STAU1: variants seen among roughly 807,000 people sequenced by gnomAD.
STAU1 encodes the protein staufen double-stranded RNA binding protein 1.
Under a neutral mutation model 62.9 loss-of-function variants are expected in STAU1, and 13 were observed. The ratio of observed to expected loss-of-function variants is 0.21; its 90% CI spans 0.13 to 0.33. STAU1 has a LOEUF of 0.33. Ranked by LOEUF, STAU1 falls within the 10% of genes least tolerant of loss-of-function variation. The pLI is 1.00. For synonymous variants in STAU1, 269 were observed against 265.1 expected, an observed-to-expected ratio of 1.01 and a Z score of -0.14; for missense variants, 571 against 712.1, an observed-to-expected ratio of 0.80 and a Z score of 2.25.
At chr20:49,195,873 G>C in the STAU1 span, among the ~76,000 whole-genome samples, 1 of 124,540 alleles carries the variant, frequency 8.0e-6, no homozygotes, top group African/African-American at 2.9e-5. Context: ...ACTCCAGCCT[G>C]GGCAACAAGA....
chr20:49,218,869 C>T, the STAU1 span, among the ~76,000 whole-genome samples: 4 of 151,780 alleles, frequency 2.6e-5, no homozygotes, highest in Admixed American at 1.3e-4. Context: ...TGGTGAAACT[C>T]CGCCGGGCGT....
intron 5 of STAU1, among the ~76,000 whole-genome samples, chr20:49,144,727 T>C (rs1242510972): frequency 2.0e-5 from 3 of 152,108 alleles, no homozygotes; most frequent in Admixed American, 6.6e-5. Context: ...TGGAAGACAA[T>C]GCAATAGCCT....
chr20:49,122,835 T>C (rs1216698634), intron 8 of STAU1, among the ~76,000 whole-genome samples: 1 of 152,108 alleles, frequency 6.6e-6, no homozygotes, highest in African/African-American at 2.4e-5. Context: ...GAGAATCGCT[T>C]CAATCAGGGA....
At position 49,118,069 on chromosome 20, in the gene STAU1, G is replaced by A. The variant is rs774356879; in HGVS notation, c.1217C>T (p.Pro406Leu). Residue 406 changes from proline to leucine, a missense_variant, in exon 11 of 14, where the codon CCT (proline) becomes CTT (leucine). By Grantham distance (98) the Pro-to-Leu change is moderately conservative (BLOSUM62 -3). Coordinates refer to ENST00000371856, the MANE Select transcript of STAU1 (RefSeq NM_017453.4). Reference protein sequence around the residue: ...TSNKEDEFRMPYLSHQQLPAG... With the variant: ...TSNKEDEFRMLYLSHQQLPAG... ...AGGCAGCTGCTGATGACTTAGATAA[G>A]GCATCCTGAACTCATCCTCTTTATT... 2 of 1,614,088 alleles carry A rather than the reference G, an allele frequency of 1.2e-6. No homozygotes were observed. Among genetic ancestry groups the A allele is most frequent in the East Asian group, 2.2e-5 (1 of 44,884 alleles).
chr20:49,122,841 AG>A (rs369970093), intron 8 of STAU1, among the ~76,000 whole-genome samples: 1 of 152,240 alleles, frequency 6.6e-6, no homozygotes, highest in African/African-American at 2.4e-5. Flanking sequence ...CGCTTCAATC[AG>A]GGAGTCGGAG....
At chr20:49,198,480 C>G in the STAU1 span, among the ~76,000 whole-genome samples, 1 of 152,028 alleles carries the variant, frequency 6.6e-6, no homozygotes, top group African/African-American at 2.4e-5. Flanking sequence ...GCACTCCAGC[C>G]TGGGCAACAC....
chr20:49,191,162 A>T (rs1345035884), upstream of STAU1, among the ~76,000 whole-genome samples: 21 of 151,744 alleles, frequency 1.4e-4, no homozygotes, highest in Admixed American at 1.4e-3. Context: ...CGAGTAGCTG[A>T]GACTACAGGC....
intron 1 of STAU1, among the ~76,000 whole-genome samples, chr20:49,178,813 C>T (rs1178904567): frequency 6.6e-6 from 1 of 150,956 alleles, no homozygotes; most frequent in Admixed American, 6.6e-5. Context: ...GTGGCTCACG[C>T]CTGTAATCCC....
chr20:49,121,673 T>C (rs542400766), intron 8 of STAU1, among the ~76,000 whole-genome samples: 20 of 152,234 alleles, frequency 1.3e-4, no homozygotes, highest in Non-Finnish European at 2.5e-4. Flanking sequence ...AACACACATA[T>C]ATGTCAGTAT....
intron 5 of STAU1, among the ~76,000 whole-genome samples, chr20:49,144,378 G>A (rs1333984199): frequency 1.3e-5 from 2 of 151,956 alleles, no homozygotes; most frequent in African/African-American, 2.4e-5. Flanking sequence ...GACTAGATGA[G>A]AATATACCAC....
chr20:49,191,088 C>T (rs2093830656), upstream of STAU1, among the ~76,000 whole-genome samples: 1 of 151,228 alleles, frequency 6.6e-6, no homozygotes. Flanking sequence ...AGTGCAGTGG[C>T]GCGATCTCGG....
At chr20:49,132,031 C>CTT (rs374636346) in intron 6 of STAU1, among the ~76,000 whole-genome samples, 1 of 145,342 alleles carries the variant, frequency 6.9e-6, no homozygotes, top group African/African-American at 2.5e-5. Context: ...TGGATGCACT[C>CTT]TTTTTTTTTT....
intron 5 of STAU1, among the ~76,000 whole-genome samples, chr20:49,145,207 C>T (rs947475440): frequency 2.6e-5 from 4 of 151,602 alleles, no homozygotes; most frequent in Admixed American, 6.6e-5. Flanking sequence ...GGGTGGATCA[C>T]GAGGTCAGGA....
At chr20:49,216,330 A>C in the STAU1 span, among the ~76,000 whole-genome samples, 1 of 152,104 alleles carries the variant, frequency 6.6e-6, no homozygotes, top group Non-Finnish European at 1.5e-5. Context: ...GCTCGAGACC[A>C]ACCTGGCTAA....
chr20:49,164,544 C>T (rs187442030), intron 3 of STAU1, among the ~76,000 whole-genome samples: 1 of 152,088 alleles, frequency 6.6e-6, no homozygotes, highest in African/African-American at 2.4e-5. Context: ...CCCCACTCGG[C>T]CTCCCAAAGT....
chr20:49,154,604 G>A (rs348270), intron 3 of STAU1, among the ~76,000 whole-genome samples: 3,633 of 152,220 alleles, frequency 0.024, 155 homozygotes, highest in African/African-American at 0.082. Flanking sequence ...GGTGGCTCAC[G>A]CCTGTAATCC....
intron 5 of STAU1, among the ~76,000 whole-genome samples, chr20:49,137,070 T>G (rs532619036): frequency 6.6e-6 from 1 of 152,282 alleles, no homozygotes; most frequent in South Asian, 2.1e-4. Flanking sequence ...AAGGTGACAG[T>G]TGAGGATCAG....
Position 49,153,927 on chromosome 20 carries a change from A to C in STAU1, c.344+6T>G, listed in dbSNP as rs762164029. On this transcript the variant is annotated splice_donor_region_variant and intron_variant, in intron 4 of 13. Coordinates refer to ENST00000371856, the MANE Select transcript of STAU1 (RefSeq NM_017453.4). ...TTTACAAAAAAAAAAAAAAAAAAAC[A>C]CATACCTCGGGGGATAAGCACCTCC... The C allele has an allele frequency of 6.9e-5, 107 of 1,552,714 alleles. No individual in the cohort carries two copies. The highest frequency in any genetic ancestry group is 8.7e-5 in the Non-Finnish European group (101 of 1,160,186).
rs143218392 is a variant in STAU1, at chr20:49,117,827, T to C, written c.1459A>G (p.Thr487Ala). The change falls in exon 11 of 14, where the codon ACG becomes GCG. Residue 487 changes from threonine to alanine, a missense_variant. Thr to Ala is a moderately conservative substitution (Grantham distance 58, BLOSUM62 0). Around this residue, in one of 3 missense-constraint regions of STAU1, gnomAD observed 156 missense variants for 194.7 expected, o/e 0.80. Transcript: ENST00000371856. This position sits in a 1 kb window ranked among gnomAD's most constrained non-coding sequence, Gnocchi z 4.6. ...TAGTCCAGTTGCTCAGAGGGTCTCGTGAGAGGTCCATGGGGTACGTGGCCT... is the reference window on the plus strand; with the variant it reads ...TAGTCCAGTTGCTCAGAGGGTCTCGCGAGAGGTCCATGGGGTACGTGGCCT... ...SSGHVPHGPL[T>A]RPSEQLDYLS... 7.2e-5 allele frequency: 117 copies of C among 1,613,996 alleles called. No homozygotes were observed. The highest frequency in any genetic ancestry group is 1.6e-4 in the Middle Eastern group (1 of 6,084).
Sources: gnomAD v4.1 joint callset for allele counts (sites outside exome capture counted in the v4.1 genomes callset) on GRCh38, gnomAD v4.1.1 for gene constraint, gnomAD v4.1.1 regional missense constraint, Gnocchi (gnomAD v3.1) non-coding constraint, MANE v1.5 for transcripts, NCBI Gene and HGNC (gene_info 2026-07-23, HGNC 2026-07-21) for gene names.